Variants in TOX2 observed in about 807,000 individuals in gnomAD.
The protein encoded by TOX2 is TOX high mobility group box family member 2.
In TOX2, 15 loss-of-function variants were observed where a neutral mutation model predicts 47.4. The observed-to-expected ratio is 0.32, with a 90% CI of 0.21 to 0.49. TOX2 has a LOEUF of 0.49. TOX2 is among the 20% of genes least tolerant of loss of function. The pLI is 0.99. For missense variants in TOX2, 622 were observed against 673.1 expected (o/e 0.92, Z 0.84); for synonymous variants, 290 against 296.6 (o/e 0.98, Z 0.23).
intron 8 of TOX2, among the ~76,000 whole-genome samples, chr20:44,068,102 A>C (rs1353330609): frequency 4.3e-4 from 65 of 151,884 alleles, no homozygotes; most frequent in Non-Finnish European, 5.9e-5. Flanking sequence ...CTCAGCAAGA[A>C]TCCCTTCCCT....
chr20:44,035,343 C>T lies in TOX2; in HGVS notation c.412-15963C>T, dbSNP rs1408213942. Among the ~76,000 whole-genome samples, 4 of 152,324 alleles carry T rather than the reference C, an allele frequency of 2.6e-5. No individual in the cohort carries two copies. In the South Asian group the frequency reaches 6.2e-4, roughly 24 times the overall value. On this transcript the variant is annotated intron_variant, in intron 3 of 8. Transcript: ENST00000341197. ...AAGCCACCTTGGGTCCTGCCAGGTC[C>T]ATGTCAGCTCCACGGCTTTGCACAG...
At chr20:44,052,938 C>T (rs558331059) in intron 4 of TOX2, among the ~76,000 whole-genome samples, 3 of 152,294 alleles carry the variant, frequency 2.0e-5, no homozygotes, top group South Asian at 4.1e-4. Context: ...ACAACTGGGG[C>T]TTGGAGAAGG....
At chr20:44,052,933 T>G (rs2071542524) in intron 4 of TOX2, among the ~76,000 whole-genome samples, 1 of 152,178 alleles carries the variant, frequency 6.6e-6, no homozygotes. Context: ...CTAACACAAC[T>G]GGGGCTTGGA....
At chr20:43,971,285 A>T (rs901517074) in intron 1 of TOX2, among the ~76,000 whole-genome samples, 1 of 152,244 alleles carries the variant, frequency 6.6e-6, no homozygotes, top group Non-Finnish European at 1.5e-5. Context: ...GAATCTAATC[A>T]TAAGCAATGA....
intron 1 of TOX2, among the ~76,000 whole-genome samples, chr20:43,937,536 G>A (rs1017896000): frequency 6.6e-6 from 1 of 152,072 alleles, no homozygotes; most frequent in African/African-American, 2.4e-5. Flanking sequence ...GGAAGTGAGG[G>A]GTTTTGGACT....
chr20:43,915,534 C>A lies in TOX2; in HGVS notation c.99+544C>A, dbSNP rs748720119. 2.6e-5 allele frequency among the ~76,000 whole-genome samples: 4 copies of A among 152,182 alleles called. No individual in the cohort carries two copies. The highest frequency in any genetic ancestry group is 5.9e-5 in the Non-Finnish European group (4 of 68,036). ...TCGCAGCCACAACGCCTCACCCAGG[C>A]GCACGCTGTCACACACAGCCACCCC... On this transcript the variant is annotated intron_variant, in intron 1 of 8. Coordinates refer to ENST00000341197, the MANE Select transcript of TOX2 (RefSeq NM_001098797.2). The surrounding 1 kb of genome is among the most constrained non-coding windows in gnomAD (Gnocchi z 7.1).
chr20:43,943,493 C>G (rs1176579696), intron 1 of TOX2, among the ~76,000 whole-genome samples: 4 of 152,174 alleles, frequency 2.6e-5, no homozygotes, highest in Admixed American at 6.5e-5. Context: ...AGGTGACCAC[C>G]CTGAGACCCT....
chr20:43,994,293 C>T (rs1316555200), intron 2 of TOX2, among the ~76,000 whole-genome samples: 1 of 133,208 alleles, frequency 7.5e-6, no homozygotes, highest in Non-Finnish European at 1.6e-5. Context: ...GGCAAAAACC[C>T]ATCTCTACAA....
At chr20:43,952,440 A>G (rs1055587350) in intron 1 of TOX2, among the ~76,000 whole-genome samples, 1 of 152,164 alleles carries the variant, frequency 6.6e-6, no homozygotes, top group Non-Finnish European at 1.5e-5. Context: ...TATGTGTTCC[A>G]TGACAATCAG....
At chr20:44,002,656 G>C (rs1395842833) in intron 2 of TOX2, among the ~76,000 whole-genome samples, 1 of 152,172 alleles carries the variant, frequency 6.6e-6, no homozygotes, top group Non-Finnish European at 1.5e-5. Context: ...TCTGCAGGCT[G>C]TATCAGCATG....
intron 2 of TOX2, among the ~76,000 whole-genome samples, chr20:43,979,238 C>G (rs2145497212): frequency 6.6e-6 from 1 of 152,174 alleles, no homozygotes; most frequent in Non-Finnish European, 1.5e-5. Context: ...AAATCTTCAG[C>G]CCATGATATC....
chr20:44,027,673 C>A lies in TOX2; in HGVS notation c.411+20881C>A, dbSNP rs140854851. Among the ~76,000 whole-genome samples, 665 of 152,286 alleles carry A rather than the reference C, an allele frequency of 4.4e-3. 3 individuals carry two copies. The highest frequency in any genetic ancestry group is 6.9e-3 in the Admixed American group (105 of 15,304). ...TCGAGCTCAAATAGGTCCCAGACACCAGTTGACTTCAGCCAGTGCCTAGGT... is the reference window on the plus strand; with the variant it reads ...TCGAGCTCAAATAGGTCCCAGACACAAGTTGACTTCAGCCAGTGCCTAGGT... On this transcript the variant is annotated intron_variant, in intron 3 of 8. Coordinates refer to ENST00000341197, the MANE Select transcript of TOX2 (RefSeq NM_001098797.2).
At chr20:43,996,151 T>A (rs549014919) in intron 2 of TOX2, among the ~76,000 whole-genome samples, 4 of 152,380 alleles carry the variant, frequency 2.6e-5, no homozygotes, top group African/African-American at 9.6e-5. Context: ...TGTTACCTTT[T>A]CTCTGCAACC....
intron 3 of TOX2, among the ~76,000 whole-genome samples, chr20:44,040,235 C>A (rs1245875548): frequency 6.6e-6 from 1 of 152,160 alleles, no homozygotes; most frequent in African/African-American, 2.4e-5. Flanking sequence ...GGGGATGCCC[C>A]TATCTGTAGG....
intron 3 of TOX2, among the ~76,000 whole-genome samples, chr20:44,041,350 C>T (rs895276452): frequency 3.3e-5 from 5 of 152,144 alleles, no homozygotes; most frequent in South Asian, 2.1e-4. Flanking sequence ...GTAAAGGGGG[C>T]GGGGTCCGGC....
At chr20:43,960,846 A>T (rs1053979712) in intron 1 of TOX2, among the ~76,000 whole-genome samples, 4 of 152,220 alleles carry the variant, frequency 2.6e-5, no homozygotes, top group Non-Finnish European at 5.9e-5. Context: ...AATGTGGCCT[A>T]GCTCCTGGGC....
chr20:43,992,478 T>C (rs2145554129), intron 2 of TOX2, among the ~76,000 whole-genome samples: 1 of 152,272 alleles, frequency 6.6e-6, no homozygotes, highest in African/African-American at 2.4e-5. Flanking sequence ...TCTCGCAATG[T>C]CTTGGAGCCA....
intron 1 of TOX2, among the ~76,000 whole-genome samples, chr20:43,928,653 C>T (rs140806379): frequency 2.4e-3 from 361 of 152,354 alleles, no homozygotes; most frequent in African/African-American, 8.2e-3. Context: ...TCTGTCAACA[C>T]GCCCTGTCAT....
chr20:44,022,701 G>A (rs935673159), intron 3 of TOX2, among the ~76,000 whole-genome samples: 1 of 152,168 alleles, frequency 6.6e-6, no homozygotes, highest in African/African-American at 2.4e-5. Flanking sequence ...TCTCGGTTCT[G>A]TCTGTCACAC....
Sources: gnomAD v4.1 joint callset for allele counts (sites outside exome capture counted in the v4.1 genomes callset) on GRCh38, gnomAD v4.1.1 for gene constraint, Gnocchi (gnomAD v3.1) non-coding constraint, MANE v1.5 for transcripts, NCBI Gene and HGNC (gene_info 2026-07-23, HGNC 2026-07-21) for gene names.